The following FILIP1L variants were observed in gnomAD, a reference collection of about 807,000 sequenced individuals.
The protein encoded by FILIP1L is filamin A-interacting protein 1-like.
In FILIP1L, 55 loss-of-function variants were observed where a neutral mutation model predicts 96.6. The ratio of observed to expected loss-of-function variants is 0.57; its 90% confidence interval spans 0.46 to 0.71. The LOEUF (loss-of-function observed/expected upper bound fraction) is 0.71. FILIP1L is among the 30% of genes least tolerant of loss of function. FILIP1L has a pLI of 0.00. For synonymous variants in FILIP1L, 467 were observed against 473.9 expected, an observed-to-expected ratio of 0.99 and a Z score of 0.19; for missense variants, 1,304 against 1,321.2, an observed-to-expected ratio of 0.99 and a Z score of 0.20.
rs199530891 is a variant in FILIP1L, at chr3:99,851,003, C to T, written c.673G>A (p.Val225Ile). The stretch of plus-strand genomic sequence containing the variant: ...GTCAGCTCCTCTTTCAGGGTGGTGA[C>T]CCTTTTCTCCTTTTCTTGCTCCTTC... Reference protein sequence around the residue: ...EEKEQEKEKRVTTLKEELTKL... With the variant: ...EEKEQEKEKRITTLKEELTKL... The change falls in exon 5 of 6, where the codon GTC becomes ATC. Residue 225 changes from valine to isoleucine, a missense_variant. Val to Ile is a conservative substitution (Grantham distance 29). Coordinates refer to ENST00000477258, the MANE Select transcript of FILIP1L (RefSeq NM_001387850.1). 2.0e-4 allele frequency: 330 copies of T among 1,613,144 alleles called. 3 individuals carry two copies. The highest frequency in any genetic ancestry group is 1.3e-3 in the Middle Eastern group (8 of 6,054).
intron 1 of FILIP1L, among the ~76,000 whole-genome samples, chr3:100,018,408 T>C (rs1710406881): frequency 6.6e-6 from 1 of 152,134 alleles, no homozygotes; most frequent in African/African-American, 2.4e-5. Flanking sequence ...GCCACAAAAC[T>C]TCAGCATATT....
chr3:100,100,220 T>C lies in FILIP1L; in HGVS notation c.-11+13833A>G, dbSNP rs1414236153. Among the ~76,000 whole-genome samples, 4 of 152,106 alleles carry C rather than the reference T, an allele frequency of 2.6e-5. No individual in the cohort carries two copies. The South Asian group carries it at 8.3e-4, about 32-fold the overall frequency. On this transcript the variant is annotated intron_variant, in intron 1 of 5. Coordinates refer to ENST00000477258, the MANE Select transcript of FILIP1L (RefSeq NM_001387850.1). ...GCACAAGTAGCCTTCTCCTGAGATA[T>C]TCAAGGGTTGTACATCCTGAGGAAA... is the stretch of plus-strand genomic sequence containing the variant.
chr3:99,875,274 C>T (rs535275386), intron 4 of FILIP1L, among the ~76,000 whole-genome samples: 5 of 152,254 alleles, frequency 3.3e-5, no homozygotes, highest in African/African-American at 1.2e-4. Context: ...GCAATAGCCT[C>T]TTCAGGATTT....
intron 1 of FILIP1L, among the ~76,000 whole-genome samples, chr3:100,045,441 G>A (rs1314179392): frequency 1.3e-5 from 2 of 152,148 alleles, no homozygotes; most frequent in Non-Finnish European, 1.5e-5. Context: ...GTATAAAATC[G>A]AGATAAAACC....
intron 4 of FILIP1L, among the ~76,000 whole-genome samples, chr3:99,884,379 A>G (rs1470256538): frequency 6.6e-6 from 1 of 152,186 alleles, no homozygotes; most frequent in Non-Finnish European, 1.5e-5. Context: ...AACTATTTTC[A>G]TGTATTGCTG....
At chr3:99,947,137 C>CAAAAA (rs397829321) in intron 1 of FILIP1L, among the ~76,000 whole-genome samples, 3 of 88,768 alleles carry the variant, frequency 3.4e-5, no homozygotes, top group East Asian at 3.3e-4. Context: ...GACTCTGTCT[C>CAAAAA]AAAAAAAAAA....
At chr3:100,042,874 G>C (rs2107295838) in intron 1 of FILIP1L, among the ~76,000 whole-genome samples, 1 of 152,322 alleles carries the variant, frequency 6.6e-6, no homozygotes, top group East Asian at 1.9e-4. Context: ...GAGAGGAATA[G>C]AGCCAAAGTT....
chr3:99,865,745 C>CTTT (rs1944479471), intron 4 of FILIP1L, among the ~76,000 whole-genome samples: 1 of 151,278 alleles, frequency 6.6e-6, no homozygotes, highest in African/African-American at 2.4e-5. Flanking sequence ...ACTTCAAGGG[C>CTTT]ATAATAATAA....
intron 4 of FILIP1L, among the ~76,000 whole-genome samples, chr3:99,869,030 A>C (rs1274765847): frequency 6.6e-6 from 1 of 152,208 alleles, no homozygotes; most frequent in Non-Finnish European, 1.5e-5. Context: ...GAGAGGTAAA[A>C]AGAACCACTT....
chr3:99,975,163 C>T (rs982693809), intron 1 of FILIP1L, among the ~76,000 whole-genome samples: 5 of 152,208 alleles, frequency 3.3e-5, no homozygotes, highest in Non-Finnish European at 7.3e-5. Flanking sequence ...TTCCTCCCCG[C>T]TCCAATCTAC....
intron 4 of FILIP1L, among the ~76,000 whole-genome samples, chr3:99,903,999 G>A (rs999777017): frequency 2.0e-5 from 3 of 152,196 alleles, no homozygotes; most frequent in Non-Finnish European, 4.4e-5. Context: ...TCTCTGGCCA[G>A]GAAGAGTAAC....
chr3:99,926,178 G>A (rs1160037588), intron 3 of FILIP1L, among the ~76,000 whole-genome samples: 1 of 152,100 alleles, frequency 6.6e-6, no homozygotes, highest in Non-Finnish European at 1.5e-5. Context: ...TAGAAATCTG[G>A]GCACAAAATG....
chr3:100,037,466 ACG>A (rs1491043098), intron 1 of FILIP1L, among the ~76,000 whole-genome samples: 3 of 152,168 alleles, frequency 2.0e-5, no homozygotes, highest in Non-Finnish European at 4.4e-5. Context: ...ACACACACAC[ACG>A]CACATTGTTA....
intron 4 of FILIP1L, among the ~76,000 whole-genome samples, chr3:99,851,276 G>A (rs1167449974): frequency 1.3e-5 from 2 of 152,164 alleles, no homozygotes; most frequent in East Asian, 3.8e-4. Flanking sequence ...CCATTGATCA[G>A]TAACAGCTGC....
chr3:100,032,595 C>T (rs1255437444), intron 1 of FILIP1L, among the ~76,000 whole-genome samples: 1 of 152,046 alleles, frequency 6.6e-6, no homozygotes, highest in Non-Finnish European at 1.5e-5. Context: ...ATCACAAGAA[C>T]ACATAAAAAT....
At chr3:99,865,652 C>T (rs780607393) in intron 4 of FILIP1L, among the ~76,000 whole-genome samples, 15 of 152,052 alleles carry the variant, frequency 9.9e-5, no homozygotes, top group Non-Finnish European at 1.9e-4. Flanking sequence ...GTGGGTTTGT[C>T]ATAAATACCA....
chr3:100,020,760 CTTTTTTTTTTTT>C (rs34665880), intron 1 of FILIP1L, among the ~76,000 whole-genome samples: 1 of 70,994 alleles, frequency 1.4e-5, no homozygotes, highest in Non-Finnish European at 2.4e-5. Flanking sequence ...GAATAATTAG[CTTTTTTTTTTTT>C]TTTTTTTTTT....
chr3:99,948,655 G>A (rs1708084756), intron 1 of FILIP1L, among the ~76,000 whole-genome samples: 3 of 149,468 alleles, frequency 2.0e-5, no homozygotes, highest in Admixed American at 6.7e-5. Flanking sequence ...GAAAGAAAGA[G>A]GGGAAGGGAA....
At chr3:99,868,675 C>T (rs1944637846) in intron 4 of FILIP1L, among the ~76,000 whole-genome samples, 2 of 152,130 alleles carry the variant, frequency 1.3e-5, no homozygotes. Context: ...TGGCACAAGC[C>T]TTATTTGTCT....
Sources: allele counts gnomAD v4.1 joint callset (sites outside exome capture counted in the v4.1 genomes callset), GRCh38; gene constraint gnomAD v4.1.1; transcripts MANE v1.5; gene names NCBI Gene and HGNC (gene_info 2026-07-23, HGNC 2026-07-21).